The following DGKK variants were observed in gnomAD, a reference collection of about 807,000 sequenced individuals.
DGKK encodes 142 kDa diacylglycerol kinase.
DGKK carries 35 observed loss-of-function variants against 92.2 expected under a neutral mutation model. That is an observed-to-expected ratio of 0.38 (90% CI 0.29 to 0.50). The LOEUF (loss-of-function observed/expected upper bound fraction) is 0.50. Ranked by LOEUF, DGKK falls within the 20% of genes least tolerant of loss-of-function variation. The probability of loss-of-function intolerance (pLI) is 0.92; values close to 1 mark genes in which losing one functional copy is unlikely to be tolerated. For synonymous variants in DGKK, 368 were observed against 360.6 expected, an observed-to-expected ratio of 1.02 and a Z score of -0.23; for missense variants, 910 against 992.2, an observed-to-expected ratio of 0.92 and a Z score of 1.11.
intron 15 of DGKK, 96 bp from the exon 16 acceptor site, chrX:50,384,920 A>G: frequency 5.0e-6 from 3 of 603,146 alleles, no homozygotes; most frequent in Non-Finnish European, 7.9e-6. Context: ...GGAAAGATTA[A>G]TTACACTTAT....
At chrX:50,396,628 G>C (rs1360396127) in intron 8 of DGKK, among the ~76,000 whole-genome samples, 5 of 110,921 alleles carry the variant, frequency 4.5e-5, no homozygotes, top group African/African-American at 1.6e-4. Flanking sequence ...TGGGAAGACA[G>C]TGGGACATAG....
At chrX:50,426,455 A>G (rs1925743977) in intron 1 of DGKK, among the ~76,000 whole-genome samples, 1 of 112,036 alleles carries the variant, frequency 8.9e-6, no homozygotes, top group African/African-American at 3.2e-5. Context: ...CTCTTTAATG[A>G]TATTACTATG....
At chrX:50,421,519 T>A (rs1557229142) in intron 3 of DGKK, among the ~76,000 whole-genome samples, 1 of 111,788 alleles carries the variant, frequency 8.9e-6, no homozygotes. Flanking sequence ...TTAATTAAGT[T>A]AAGGGGCAGC....
At chrX:50,376,219 C>T in intron 23 of DGKK, 54 bp from the exon 24 acceptor site, 1 of 1,170,729 alleles carries the variant, frequency 8.5e-7, no homozygotes, top group African/African-American at 1.8e-5. Flanking sequence ...GGACTTCTGG[C>T]CTGGGGCACT....
Position 50,470,319 on chromosome X carries a change from C to G in DGKK, c.360G>C (p.Glu120Asp). The change falls in exon 1 of 28, where the codon GAG (glutamate) becomes GAC (aspartate). Residue 120 changes from glutamate (E) to aspartate (D), a missense_variant. Physicochemically the swap from Glu to Asp is conservative, Grantham distance 45 (BLOSUM62 2). Coordinates refer to ENST00000611977, the MANE Select transcript of DGKK (RefSeq NM_001013742.4). ...GTTCTGGAGTCGGCTCTGGGGCAGA[C>G]TCTGTGGCAGGTTCTGGGGCCGGTT... ...APEPAPEPAT[E>D]SAPEPTPEPA... 1 of 1,208,477 alleles carries G rather than the reference C, an allele frequency of 8.3e-7. No individual in the cohort carries two copies. Among genetic ancestry groups the G allele is most frequent in the Non-Finnish European group, 1.1e-6 (1 of 894,193 alleles).
At chrX:50,429,644 G>A (rs937083437) in intron 1 of DGKK, among the ~76,000 whole-genome samples, 7 of 112,133 alleles carry the variant, frequency 6.2e-5, no homozygotes, top group Non-Finnish European at 1.3e-4. Context: ...AGCCGAGATC[G>A]CGCCACTGCA....
chrX:50,403,038 T>C (rs1925050797), intron 7 of DGKK, 23 bp downstream of exon 7: 2 of 1,207,300 alleles, frequency 1.7e-6, no homozygotes, highest in Non-Finnish European at 2.2e-6. Flanking sequence ...GTTCTCTAAA[T>C]ATCAAGATGA....
At chrX:50,390,491 G>T in intron 11 of DGKK, 82 bp from the exon 12 acceptor site, 1 of 892,563 alleles carries the variant, frequency 1.1e-6, no homozygotes, top group Non-Finnish European at 1.6e-6. Flanking sequence ...GAAGACAGAA[G>T]TAAAAATGTT....
intron 10 of DGKK, 145 bp from the exon 11 acceptor site, chrX:50,391,721 G>A: frequency 1.5e-6 from 1 of 668,330 alleles, no homozygotes; most frequent in Non-Finnish European, 2.2e-6. Flanking sequence ...GGAAGGTAAT[G>A]AGAGGATGTT....
At chrX:50,403,779 A>G (rs1251886263) in intron 5 of DGKK, among the ~76,000 whole-genome samples, 182 bp from the exon 6 acceptor site, 1 of 111,856 alleles carries the variant, frequency 8.9e-6, no homozygotes, top group Non-Finnish European at 1.9e-5. Flanking sequence ...TAATCTTTTT[A>G]TTATCCAACT....
At chrX:50,387,319 T>C (rs1466198806) in intron 14 of DGKK, among the ~76,000 whole-genome samples, 1 of 111,522 alleles carries the variant, frequency 9.0e-6, no homozygotes, top group African/African-American at 3.3e-5. Flanking sequence ...TGTGTCTAGT[T>C]GTGGGCAGAT....
At chrX:50,462,762 C>G (rs1469059098) in intron 1 of DGKK, among the ~76,000 whole-genome samples, 1 of 107,696 alleles carries the variant, frequency 9.3e-6, no homozygotes, top group Non-Finnish European at 1.9e-5. Context: ...TTTAATGAAG[C>G]TGGGGAGCCC....
chrX:50,446,902 C>G (rs560326969), intron 1 of DGKK, among the ~76,000 whole-genome samples: 3 of 110,386 alleles, frequency 2.7e-5, no homozygotes, highest in Admixed American at 9.7e-5. Flanking sequence ...TGCATGTGTA[C>G]GTGCATGCAT....
intron 24 of DGKK, 26 bp from the exon 25 acceptor site, chrX:50,375,083 G>A: frequency 2.6e-6 from 3 of 1,136,979 alleles, no homozygotes; most frequent in Non-Finnish European, 3.6e-6. Context: ...CGGAAAAGGA[G>A]AGAAAAAGAC....
intron 22 of DGKK, among the ~76,000 whole-genome samples, 152 bp from the exon 23 acceptor site, chrX:50,377,070 T>C (rs1007183809): frequency 3.6e-5 from 4 of 112,239 alleles, no homozygotes; most frequent in Non-Finnish European, 7.5e-5. Flanking sequence ...CCCCCTGTCA[T>C]ACCCATCTAT....
chrX:50,458,978 A>T (rs1300688657), intron 1 of DGKK, among the ~76,000 whole-genome samples: 2 of 111,413 alleles, frequency 1.8e-5, no homozygotes, highest in African/African-American at 6.5e-5. Context: ...TTCCTCAAAC[A>T]ACTTCTTCAT....
intron 7 of DGKK, among the ~76,000 whole-genome samples, chrX:50,401,891 G>A (rs4826629): frequency 0.3 from 33,298 of 110,825 alleles, 3,807 homozygotes; most frequent in Admixed American, 0.42. Context: ...CAGCATTACT[G>A]ATATTTTGAG....
chrX:50,431,174 G>T (rs1206982461), intron 1 of DGKK, among the ~76,000 whole-genome samples: 1 of 110,750 alleles, frequency 9.0e-6, no homozygotes, highest in Non-Finnish European at 1.9e-5. Flanking sequence ...AAGACTACAG[G>T]TGCCCGCCAC....
At chrX:50,392,614 A>G (rs1467020234) in intron 9 of DGKK, among the ~76,000 whole-genome samples, 165 bp from the exon 10 acceptor site, 2 of 112,050 alleles carry the variant, frequency 1.8e-5, no homozygotes, top group Non-Finnish European at 3.8e-5. Context: ...AAGACCATAG[A>G]CCATCCCAGA....
Sources: gnomAD v4.1 joint callset for allele counts (sites outside exome capture counted in the v4.1 genomes callset) on GRCh38, gnomAD v4.1.1 for gene constraint, MANE v1.5 for transcripts, NCBI Gene and HGNC (gene_info 2026-07-23, HGNC 2026-07-21) for gene names.